RAB3C: variants seen among roughly 807,000 people sequenced by gnomAD.
The protein encoded by RAB3C is ras-related protein Rab-3C.
A neutral mutation model predicts 26.4 loss-of-function variants in RAB3C; 17 were observed. That is an observed-to-expected ratio of 0.64 (90% CI 0.44 to 0.97). The LOEUF (loss-of-function observed/expected upper bound fraction) is 0.97, where lower values mean the gene tolerates loss of function less well. Ranked by LOEUF, RAB3C falls within the 50% of genes least tolerant of loss-of-function variation. The probability of loss-of-function intolerance (pLI) is 0.00; values close to 1 mark genes in which losing one functional copy is unlikely to be tolerated. For missense variants in RAB3C, 242 were observed against 281.9 expected (o/e 0.86, Z 1.01); for synonymous variants, 91 against 95.9 (o/e 0.95, Z 0.30).
intron 2 of RAB3C, among the ~76,000 whole-genome samples, chr5:58,631,696 C>T (rs1747186617): frequency 6.6e-6 from 1 of 152,094 alleles, no homozygotes; most frequent in African/African-American, 2.4e-5. Context: ...GATCTGTCCT[C>T]CTACTATAAG....
At chr5:58,618,749 T>C (rs1746875706) in intron 2 of RAB3C, among the ~76,000 whole-genome samples, 1 of 152,198 alleles carries the variant, frequency 6.6e-6, no homozygotes, top group Non-Finnish European at 1.5e-5. Flanking sequence ...GAAGAATGTT[T>C]CTACAGTAAG....
chr5:58,596,430 G>C (rs1256018505), intron 1 of RAB3C, among the ~76,000 whole-genome samples: 1 of 147,026 alleles, frequency 6.8e-6, no homozygotes, highest in African/African-American at 2.5e-5. Context: ...TATTATTGTA[G>C]AGAGGTTTAG....
chr5:58,583,084 G>A lies in RAB3C; in HGVS notation c.-125G>A, dbSNP rs1488885736. The A allele has an allele frequency of 7.1e-6, 11 of 1,552,616 alleles. No homozygotes were observed. The East Asian group carries it at 2.5e-4, about 36-fold the overall frequency. On this transcript the variant is annotated 5_prime_UTR_variant, in exon 1 of 5. It removes an upstream start codon present in the reference 5' UTR. Transcript: ENST00000282878. Reference sequence around the variant, plus strand: ...AGGAGAGGACAGCTCCAGTGCTGATGTTGGAGCCGGTTAGCGAACCCCAAG... The same window carrying A: ...AGGAGAGGACAGCTCCAGTGCTGATATTGGAGCCGGTTAGCGAACCCCAAG...
chr5:58,824,025 T>A (rs112741410), intron 3 of RAB3C, among the ~76,000 whole-genome samples: 6 of 152,010 alleles, frequency 3.9e-5, no homozygotes, highest in African/African-American at 1.4e-4. Context: ...GATTTCCAAT[T>A]TCATCCATGT....
intron 3 of RAB3C, among the ~76,000 whole-genome samples, chr5:58,744,394 G>T (rs1052623069): frequency 6.6e-6 from 1 of 152,238 alleles, no homozygotes; most frequent in Non-Finnish European, 1.5e-5. Context: ...TAGGGAGAAG[G>T]CTTCTGCATG....
intron 4 of RAB3C, among the ~76,000 whole-genome samples, chr5:58,842,616 A>T (rs543835891): frequency 6.6e-6 from 1 of 152,360 alleles, no homozygotes; most frequent in East Asian, 1.9e-4. Context: ...GGAAGTAGCC[A>T]TCCTAAGAAA....
At chr5:58,662,139 C>A (rs1747916974) in intron 2 of RAB3C, among the ~76,000 whole-genome samples, 1 of 149,790 alleles carries the variant, frequency 6.7e-6, no homozygotes, top group Non-Finnish European at 1.5e-5. Flanking sequence ...CTCACTCTCT[C>A]TATTTCTGGA....
At chr5:58,624,895 A>G (rs886627893) in intron 2 of RAB3C, among the ~76,000 whole-genome samples, 2 of 152,140 alleles carry the variant, frequency 1.3e-5, no homozygotes, top group Non-Finnish European at 1.5e-5. Context: ...CAAACAAAAA[A>G]AACCCCCAAT....
intron 2 of RAB3C, among the ~76,000 whole-genome samples, chr5:58,633,474 G>A (rs759978448): frequency 1.3e-5 from 2 of 152,074 alleles, no homozygotes; most frequent in Non-Finnish European, 2.9e-5. Context: ...TGTGTGATAA[G>A]GATTCATTAG....
At chr5:58,624,434 G>A (rs1176140069) in intron 2 of RAB3C, among the ~76,000 whole-genome samples, 1 of 152,174 alleles carries the variant, frequency 6.6e-6, no homozygotes, top group Admixed American at 6.5e-5. Context: ...AGCAGAGGTG[G>A]ATTGATACTG....
chr5:58,845,606 A>ATGTGTG (rs1196545407), intron 4 of RAB3C, among the ~76,000 whole-genome samples: 4 of 56,540 alleles, frequency 7.1e-5, no homozygotes, highest in African/African-American at 3.5e-4. Context: ...ATATATATAT[A>ATGTGTG]TATATATGTG....
At chr5:58,605,475 A>G (rs1266997049) in intron 1 of RAB3C, among the ~76,000 whole-genome samples, 1 of 152,178 alleles carries the variant, frequency 6.6e-6, no homozygotes, top group Non-Finnish European at 1.5e-5. Context: ...AACTCTTCTT[A>G]TATCTATCAG....
intron 3 of RAB3C, among the ~76,000 whole-genome samples, chr5:58,773,390 T>A (rs1742064832): frequency 6.6e-6 from 1 of 152,114 alleles, no homozygotes; most frequent in Non-Finnish European, 1.5e-5. Flanking sequence ...AGCATTCAAG[T>A]CACTCCCCAT....
intron 2 of RAB3C, among the ~76,000 whole-genome samples, chr5:58,680,332 G>A (rs1748320973): frequency 6.6e-6 from 1 of 152,110 alleles, no homozygotes; most frequent in African/African-American, 2.4e-5. Context: ...CTAGAAACCA[G>A]ATCAAGAATG....
intron 1 of RAB3C, among the ~76,000 whole-genome samples, chr5:58,610,275 T>C (rs927838554): frequency 6.7e-6 from 1 of 148,700 alleles, no homozygotes; most frequent in African/African-American, 2.5e-5. Context: ...GATTGTTAGG[T>C]CATATGGTAA....
Position 58,854,234 on chromosome 5 carries a change from T to C in RAB3C, c.*2883T>C, listed in dbSNP as rs933313206. On this transcript the variant is annotated 3_prime_UTR_variant, in exon 5 of 5. Transcript: ENST00000282878. The stretch of plus-strand genomic sequence containing the variant: ...CATTTATCTCTTGTCTTTGATTTAA[T>C]TAAATTAGTGTTTTAAGTATGAATT... 13 of 152,228 alleles carry C rather than the reference T, an allele frequency of 8.5e-5. No homozygotes were observed. The highest frequency in any genetic ancestry group is 5.9e-4 in the Admixed American group (9 of 15,274). 9.4% of individuals were successfully genotyped at this position (152,228 alleles called of 1,614,324 possible).
At chr5:58,750,225 GACCAATTCTCA>G (rs1173225256) in intron 3 of RAB3C, among the ~76,000 whole-genome samples, 1 of 152,078 alleles carries the variant, frequency 6.6e-6, no homozygotes, top group African/African-American at 2.4e-5. Flanking sequence ...TTTGGCAAGG[GACCAATTCTCA>G]ACAGCCAGAA....
chr5:58,799,094 T>C (rs767054638), intron 3 of RAB3C, among the ~76,000 whole-genome samples: 1 of 152,198 alleles, frequency 6.6e-6, no homozygotes, highest in Non-Finnish European at 1.5e-5. Flanking sequence ...TACATATTCA[T>C]GTTACAGTAT....
At position 58,858,960 on chromosome 5, in the gene RAB3C, C is replaced by CACATCTG. The variant is rs1744325173; in HGVS notation, c.*7609_*7610insACATCTG. 6.6e-6 allele frequency: 1 copy of CACATCTG among 152,166 alleles called. No homozygotes were observed. The highest frequency in any genetic ancestry group is 1.5e-5 in the Non-Finnish European group (1 of 68,026). 9.4% of individuals were successfully genotyped at this position (152,166 alleles called of 1,614,324 possible). A position where few individuals can be genotyped will look rare whatever the true frequency, so the allele number is the denominator to read the frequency against. On this transcript the variant is annotated 3_prime_UTR_variant, in exon 5 of 5. Coordinates refer to ENST00000282878, the MANE Select transcript of RAB3C (RefSeq NM_138453.4). The stretch of plus-strand genomic sequence containing the variant: ...CCTAATGCCACCTGGCAGATGTGTA[C>CACATCTG]CCAGAGATTTTTCTGTAGCTCCATG...
Sources: allele counts gnomAD v4.1 joint callset (sites outside exome capture counted in the v4.1 genomes callset), GRCh38; gene constraint gnomAD v4.1.1; transcripts MANE v1.5; gene names NCBI Gene and HGNC (gene_info 2026-07-23, HGNC 2026-07-21).